The following NADSYN1 variants were observed in gnomAD, a reference collection of about 807,000 sequenced individuals.
The protein encoded by NADSYN1 is NAD synthetase 1, also known as glutamine-dependent NAD(+) synthetase.
Under a neutral mutation model 99.3 loss-of-function variants are expected in NADSYN1, and 80 were observed. The observed-to-expected ratio is 0.81, with a 90% confidence interval of 0.67 to 0.97. The LOEUF (loss-of-function observed/expected upper bound fraction) is 0.97, where lower values mean the gene tolerates loss of function less well. Among genes scored for constraint, NADSYN1 ranks in the 50% least tolerant of loss-of-function variants. NADSYN1 has a pLI of 0.00. For synonymous variants in NADSYN1, 385 were observed against 372.1 expected (o/e 1.03, Z -0.40); for missense variants, 859 against 948.5 (o/e 0.91, Z 1.24).
chr11:71,490,000 C>T (rs1215948791), intron 16 of NADSYN1, among the ~76,000 whole-genome samples: 2 of 152,142 alleles, frequency 1.3e-5, no homozygotes, highest in South Asian at 2.1e-4. Flanking sequence ...ACGGCTGTAA[C>T]CCAGGATCAC....
At chr11:71,487,291 G>A (rs1472314649) in intron 16 of NADSYN1, among the ~76,000 whole-genome samples, 3 of 152,082 alleles carry the variant, frequency 2.0e-5, no homozygotes, top group East Asian at 3.9e-4. Flanking sequence ...TTTCAGGAGG[G>A]GTGTGACGGC....
Position 71,490,934 on chromosome 11 carries a change from T to C in NADSYN1, c.1652T>C (p.Val551Ala). The part of the protein sequence containing the change: ...GISKTDLRAF[V>A]QFCIQRFQLP... ...AGCAAGACGGACCTCAGGGCCTTCG[T>C]CCAGTTCTGCATCCAGCGCTTCCAG... Residue 551 changes from valine to alanine, a missense_variant, in exon 17 of 21, where the codon GTC becomes GCC. Physicochemically the swap from Val to Ala is moderately conservative, Grantham distance 64. Coordinates refer to ENST00000319023, the MANE Select transcript of NADSYN1 (RefSeq NM_018161.5). 1 of 1,614,198 alleles carries C rather than the reference T, an allele frequency of 6.2e-7. No individual in the cohort carries two copies. The highest frequency in any genetic ancestry group is 2.2e-5 in the East Asian group (1 of 44,882).
intron 11 of NADSYN1, 176 bp downstream of exon 11, chr11:71,481,055 G>A (rs1565603019): frequency 1.2e-6 from 1 of 865,112 alleles, no homozygotes; most frequent in Non-Finnish European, 1.7e-6. Context: ...GAACCCCTGG[G>A]TGTGACCCCC....
chr11:71,472,796 A>G (rs1005111299), intron 6 of NADSYN1, among the ~76,000 whole-genome samples: 1 of 152,276 alleles, frequency 6.6e-6, no homozygotes, highest in African/African-American at 2.4e-5. Context: ...CTCCATCCCC[A>G]GGGGCTATGT....
Position 71,481,855 on chromosome 11 carries a change from C to T in NADSYN1, c.1048-68C>T, listed in dbSNP as rs1395058681. On this transcript the variant is annotated intron_variant, in intron 12 of 20. Transcript: ENST00000319023. ...GCCTCCTTGAGGTCTATGGGTGGAG[C>T]TTGGCTGATCCATGGGCATGCTGCT... The T allele has an allele frequency of 3.5e-6, 5 of 1,430,550 alleles. No homozygotes were observed. The Admixed American group carries it at 9.4e-5, about 27-fold the overall frequency. The allele number at this position is 1,430,550 out of a possible 1,614,324, so 88.6% of individuals were successfully genotyped here.
At chr11:71,482,115 C>A in intron 13 of NADSYN1, 90 bp downstream of exon 13, 1 of 1,177,422 alleles carries the variant, frequency 8.5e-7, no homozygotes, top group Non-Finnish European at 1.2e-6. Context: ...AGAGGAAACA[C>A]CCGTGCCATG....
At position 71,463,475 on chromosome 11, in the gene NADSYN1, T is replaced by C; in HGVS notation, c.307T>C (p.Phe103Leu). The C allele has an allele frequency of 6.2e-7, 1 of 1,613,948 alleles. No homozygotes were observed. The highest frequency in any genetic ancestry group is 8.5e-7 in the Non-Finnish European group (1 of 1,179,932). The change falls in exon 4 of 21, where the codon TTC becomes CTC. Residue 103 changes from phenylalanine (F) to leucine (L), a missense_variant. Physicochemically the swap from Phe to Leu is conservative, Grantham distance 22 (BLOSUM62 0). Coordinates refer to ENST00000319023, the MANE Select transcript of NADSYN1 (RefSeq NM_018161.5). ...RNVRYNCRVI[F>L]LNRKILLIRP... Reference sequence around the variant, plus strand: ...CGTCCGCTACAACTGCAGAGTGATATTCCTCAACAGGTAGGCCCCCTGCCC... The same window carrying C: ...CGTCCGCTACAACTGCAGAGTGATACTCCTCAACAGGTAGGCCCCCTGCCC...
intron 18 of NADSYN1, 177 bp from the exon 19 acceptor site, chr11:71,497,306 C>G (rs1949826518): frequency 2.8e-6 from 2 of 703,052 alleles, no homozygotes; most frequent in South Asian, 3.9e-5. Flanking sequence ...TTGCTGTTTT[C>G]CAAATGCTAC....
rs755770850 is a variant in NADSYN1, at chr11:71,498,531, A to G, written c.2070+3A>G. 27 of 1,613,298 alleles carry G rather than the reference A, an allele frequency of 1.7e-5. No homozygotes were observed. The highest frequency in any genetic ancestry group is 3.3e-5 in the Admixed American group (2 of 59,976). On this transcript the variant is annotated splice_donor_region_variant and intron_variant, in intron 20 of 20. Transcript: ENST00000319023. ...AGTTTCGGTGCATAGAAAATCAGGTAAATCCAGCAGAAATGTTTCTCTCTC... is the reference window on the plus strand; with the variant it reads ...AGTTTCGGTGCATAGAAAATCAGGTGAATCCAGCAGAAATGTTTCTCTCTC...
intron 7 of NADSYN1, 79 bp downstream of exon 7, chr11:71,473,445 T>C (rs1304121941): frequency 6.4e-7 from 1 of 1,554,122 alleles, no homozygotes; most frequent in East Asian, 2.2e-5. Context: ...GCAGACGTCC[T>C]GGGGCCGTGG....
Position 71,453,389 on chromosome 11 carries a change from T to TGGGGCGGCG in NADSYN1, c.85+14_85+22dup, listed in dbSNP as rs1949492804. ...TGCAAAGAATTTTAAAGAGTGAGTC[T>TGGGGCGGCG]GGGGCGGCGGGGGCACCGGTTTGGG... On this transcript the variant is annotated intron_variant, in intron 1 of 20. Transcript: ENST00000319023. 6.2e-7 allele frequency: 1 copy of TGGGGCGGCG among 1,611,624 alleles called. No individual in the cohort carries two copies. The highest frequency in any genetic ancestry group is 1.1e-5 in the South Asian group (1 of 90,808).
At chr11:71,474,362 T>C in intron 8 of NADSYN1, 33 bp from the exon 9 acceptor site, 1 of 1,613,520 alleles carries the variant, frequency 6.2e-7, no homozygotes, top group Non-Finnish European at 8.5e-7. Flanking sequence ...TGGACACAGC[T>C]GACCACTCCG....
At chr11:71,455,807 T>C (rs1024718187) in intron 2 of NADSYN1, among the ~76,000 whole-genome samples, 2 of 152,250 alleles carry the variant, frequency 1.3e-5, no homozygotes, top group Non-Finnish European at 2.9e-5. Flanking sequence ...CCAAGACATA[T>C]TCCCAGGTTT....
rs1201835017 is a variant in NADSYN1, at chr11:71,473,626, C to T, written c.606C>T (p.Ser202=). Residue 202 remains serine, a synonymous_variant, in exon 8 of 21, where the codon AGC becomes AGT. Coordinates refer to ENST00000319023, the MANE Select transcript of NADSYN1 (RefSeq NM_018161.5). ...GVEIITNASG[S]HQVLRKANTR... Reference sequence around the variant, plus strand: ...AGATCATCACCAACGCCTCGGGCAGCCACCAAGTGCTGCGCAAAGCCAACA... The same window carrying T: ...AGATCATCACCAACGCCTCGGGCAGTCACCAAGTGCTGCGCAAAGCCAACA... The T allele has an allele frequency of 7.4e-6, 12 of 1,613,064 alleles. No individual in the cohort carries two copies. Among genetic ancestry groups the T allele is most frequent in the African/African-American group, 1.3e-5 (1 of 74,936 alleles).
intron 12 of NADSYN1, 75 bp downstream of exon 12, chr11:71,481,479 AG>A: frequency 7.8e-7 from 1 of 1,274,526 alleles, no homozygotes; most frequent in Admixed American, 2.1e-5. Flanking sequence ...GGGGCAGGGT[AG>A]GGATTTTTTT....
chr11:71,501,212 C>G, intron 20 of NADSYN1, 90 bp from the exon 21 acceptor site: 1 of 1,256,586 alleles, frequency 8.0e-7, no homozygotes, highest in Non-Finnish European at 1.1e-6. Context: ...ACCTCTGGGA[C>G]TTGTGACCCG....
At chr11:71,475,953 A>T in intron 9 of NADSYN1, 1 of 450,512 alleles carries the variant, frequency 2.2e-6, no homozygotes, top group South Asian at 1.6e-5. Context: ...AGCTCAGGCA[A>T]TCCACGCACC....
chr11:71,472,231 C>T (rs1264416239), intron 5 of NADSYN1, among the ~76,000 whole-genome samples: 5 of 152,202 alleles, frequency 3.3e-5, no homozygotes, highest in Admixed American at 3.3e-4. Flanking sequence ...TCGGAGAGCC[C>T]AGCCCACCAC....
chr11:71,492,866 A>T (rs944467875), intron 18 of NADSYN1, among the ~76,000 whole-genome samples: 1 of 150,832 alleles, frequency 6.6e-6, no homozygotes, highest in Admixed American at 6.6e-5. Context: ...GGAATGTCTT[A>T]CTTATTTAAG....
Sources: gnomAD v4.1 joint callset for allele counts (sites outside exome capture counted in the v4.1 genomes callset) on GRCh38, gnomAD v4.1.1 for gene constraint, MANE v1.5 for transcripts, NCBI Gene and HGNC (gene_info 2026-07-23, HGNC 2026-07-21) for gene names.